The following KIAA1958 variants were observed in gnomAD, a reference collection of about 807,000 sequenced individuals.
KIAA1958 encodes the protein uncharacterized protein KIAA1958.
In KIAA1958, 14 loss-of-function variants were observed where a neutral mutation model predicts 47.2. The observed-to-expected ratio is 0.30, with a 90% confidence interval of 0.20 to 0.46. The LOEUF is 0.46. KIAA1958 is among the 20% of genes least tolerant of loss of function. The pLI is 1.00. For missense variants in KIAA1958, 803 were observed against 909.2 expected, an observed-to-expected ratio of 0.88 and a Z score of 1.50; for synonymous variants, 354 against 353.3, an observed-to-expected ratio of 1.00 and a Z score of -0.02.
chr9:112,646,939 C>T (rs1329098570), intron 3 of KIAA1958, among the ~76,000 whole-genome samples: 1 of 152,186 alleles, frequency 6.6e-6, no homozygotes, highest in Non-Finnish European at 1.5e-5. Flanking sequence ...GGACTTAAAA[C>T]ATGGTGGAAC....
chr9:112,624,386 A>C (rs766840307), intron 2 of KIAA1958, among the ~76,000 whole-genome samples: 5 of 152,220 alleles, frequency 3.3e-5, no homozygotes, highest in Non-Finnish European at 7.3e-5. Flanking sequence ...TCTGGTTAAC[A>C]TGATATTGAG....
chr9:112,622,711 AT>A (rs1836530800), intron 2 of KIAA1958, among the ~76,000 whole-genome samples: 1 of 152,186 alleles, frequency 6.6e-6, no homozygotes. Context: ...TCTGGCATAC[AT>A]TTGATCTCTT....
rs953484157 is a variant in KIAA1958 at position 112,663,674 on chromosome 9, CA to C, written c.*3610del. On this transcript the variant is annotated 3_prime_UTR_variant, in exon 4 of 4. Transcript: ENST00000337530. ...GTTTTTCCATTGTTTAGTGTGTTTG[CA>C]AAAAGGAATTTTATGGAAGTACCTA... 6 of 152,128 alleles carry C rather than the reference CA, an allele frequency of 3.9e-5. No individual in the cohort carries two copies. Among genetic ancestry groups the C allele is most frequent in the Non-Finnish European group, 7.3e-5 (5 of 68,028 alleles). 9.4% of individuals were successfully genotyped at this position (152,128 alleles called of 1,614,324 possible). A position where few individuals can be genotyped will look rare whatever the true frequency, so the allele number is the denominator to read the frequency against.
At chr9:112,537,523 C>CT (rs1834876792) in intron 1 of KIAA1958, among the ~76,000 whole-genome samples, 1 of 152,158 alleles carries the variant, frequency 6.6e-6, no homozygotes, top group South Asian at 2.1e-4. Context: ...CAAAAGATAT[C>CT]TAATTGACCA....
chr9:112,515,364 ACC>A (rs1834407795), intron 1 of KIAA1958, among the ~76,000 whole-genome samples: 1 of 141,462 alleles, frequency 7.1e-6, no homozygotes, highest in Non-Finnish European at 1.6e-5. Flanking sequence ...CTGCCCGGCC[ACC>A]GCCCCGTCTG....
chr9:112,659,988 G>C lies in KIAA1958; in HGVS notation c.2070G>C (p.Lys690Asn). 1 of 1,614,250 alleles carries C rather than the reference G, an allele frequency of 6.2e-7. No individual in the cohort carries two copies. The highest frequency in any genetic ancestry group is 1.1e-5 in the South Asian group (1 of 91,092). Residue 690 changes from lysine (K) to asparagine (N), a missense_variant, in exon 4 of 4, where the codon AAG (lysine) becomes AAC (asparagine). Lys to Asn is a moderately conservative substitution (Grantham distance 94, BLOSUM62 0). This residue lies in a region of KIAA1958 where 761 missense variants were observed against 829.3 expected (regional missense o/e 0.92). Coordinates refer to ENST00000337530, the MANE Select transcript of KIAA1958 (RefSeq NM_133465.4). The part of the protein sequence containing the change: ...GIVPNLAKKV[K>N]LENCENFTFV... ...TCCCAAACTTAGCCAAGAAGGTCAA[G>C]CTGGAAAACTGTGAGAACTTCACCT... is the stretch of plus-strand genomic sequence containing the variant.
chr9:112,499,335 A>T (rs1475787031), intron 1 of KIAA1958, among the ~76,000 whole-genome samples: 1 of 152,188 alleles, frequency 6.6e-6, no homozygotes, highest in Non-Finnish European at 1.5e-5. Flanking sequence ...AGAATCTTCT[A>T]TATGGTTTTC....
intron 2 of KIAA1958, among the ~76,000 whole-genome samples, chr9:112,587,573 A>G (rs1272316599): frequency 6.6e-6 from 1 of 152,210 alleles, no homozygotes; most frequent in African/African-American, 2.4e-5. Context: ...TGATATAATG[A>G]TTGATGCACC....
Position 112,659,839 on chromosome 9 carries a change from C to T in KIAA1958, c.1921C>T (p.Arg641Trp), listed in dbSNP as rs759423903. The change falls in exon 4 of 4, where the codon CGG becomes TGG. Residue 641 changes from arginine (R) to tryptophan (W), a missense_variant. By Grantham distance (101) the Arg-to-Trp change is moderately radical. Around this residue, in one of 2 missense-constraint regions of KIAA1958, gnomAD observed 761 missense variants for 829.3 expected, o/e 0.92. Coordinates refer to ENST00000337530, the MANE Select transcript of KIAA1958 (RefSeq NM_133465.4). ...CCTCTACAAGTACATGTACATCCACCGGCCGCCCACCCAAATGGAGGCCAA... is the reference window on the plus strand; with the variant it reads ...CCTCTACAAGTACATGTACATCCACTGGCCGCCCACCCAAATGGAGGCCAA... ...CLLYKYMYIHRPPTQMEAKSP... is the reference protein window; with the variant it reads ...CLLYKYMYIHWPPTQMEAKSP... The T allele has an allele frequency of 5.6e-6, 9 of 1,614,136 alleles. No homozygotes were observed. Among genetic ancestry groups the T allele is most frequent in the East Asian group, 2.2e-5 (1 of 44,894 alleles).
intron 1 of KIAA1958, among the ~76,000 whole-genome samples, chr9:112,545,128 C>T (rs898197175): frequency 5.9e-5 from 9 of 152,108 alleles, no homozygotes; most frequent in African/African-American, 2.2e-4. Flanking sequence ...TCATCATGAC[C>T]TTTTAAAGTT....
At chr9:112,595,692 A>G (rs1181587843) in intron 2 of KIAA1958, among the ~76,000 whole-genome samples, 1 of 152,016 alleles carries the variant, frequency 6.6e-6, no homozygotes, top group East Asian at 1.9e-4. Flanking sequence ...AAAAAAAAAA[A>G]AAAATTAAGC....
chr9:112,615,294 C>T (rs1316899297), intron 2 of KIAA1958, among the ~76,000 whole-genome samples: 13 of 151,804 alleles, frequency 8.6e-5, no homozygotes, highest in Admixed American at 5.3e-4. Context: ...ATGGCGGGTG[C>T]CTGTAATCCC....
At chr9:112,572,716 G>T (rs1588023626) in intron 1 of KIAA1958, among the ~76,000 whole-genome samples, 1 of 152,228 alleles carries the variant, frequency 6.6e-6, no homozygotes, top group African/African-American at 2.4e-5. Flanking sequence ...CCAGTAGGGG[G>T]TTTAGAGAAG....
intron 3 of KIAA1958, among the ~76,000 whole-genome samples, chr9:112,649,215 C>T (rs1194095120): frequency 6.6e-6 from 1 of 152,038 alleles, no homozygotes; most frequent in African/African-American, 2.4e-5. Context: ...GGCTGAAGTG[C>T]AGTCCAGTCA....
intron 1 of KIAA1958, among the ~76,000 whole-genome samples, chr9:112,563,053 C>G (rs1405003047): frequency 1.8e-5 from 2 of 112,362 alleles, no homozygotes; most frequent in Admixed American, 9.9e-5. Context: ...TTCTCTCTCT[C>G]TCTCTGTCTC....
intron 1 of KIAA1958, among the ~76,000 whole-genome samples, chr9:112,550,090 C>A (rs1835115679): frequency 6.6e-6 from 1 of 152,108 alleles, no homozygotes; most frequent in Non-Finnish European, 1.5e-5. Context: ...AGGAATTAGG[C>A]TTGAGAGGTA....
intron 2 of KIAA1958, among the ~76,000 whole-genome samples, chr9:112,639,941 T>A (rs1186302304): frequency 6.6e-6 from 1 of 152,246 alleles, no homozygotes; most frequent in Non-Finnish European, 1.5e-5. Flanking sequence ...TAGATTCCAA[T>A]GCTCTAGTAA....
At chr9:112,631,841 A>G (rs1836715782) in intron 2 of KIAA1958, among the ~76,000 whole-genome samples, 1 of 152,064 alleles carries the variant, frequency 6.6e-6, no homozygotes, top group Admixed American at 6.5e-5. Context: ...GTAGCTACAC[A>G]TTTTTCCATT....
intron 1 of KIAA1958, among the ~76,000 whole-genome samples, chr9:112,552,768 A>G (rs1408004704): frequency 6.6e-6 from 1 of 152,134 alleles, no homozygotes; most frequent in Non-Finnish European, 1.5e-5. Context: ...AGCGAGAGGG[A>G]GGAGATATCC....
Sources: gnomAD v4.1 joint callset for allele counts (sites outside exome capture counted in the v4.1 genomes callset) on GRCh38, gnomAD v4.1.1 for gene constraint, gnomAD v4.1.1 regional missense constraint, MANE v1.5 for transcripts, NCBI Gene and HGNC (gene_info 2026-07-23, HGNC 2026-07-21) for gene names.